The following SPATC1 variants were observed in gnomAD, a reference collection of about 807,000 sequenced individuals.
SPATC1 encodes spermatogenesis and centriole associated 1, also known as speriolin.
A neutral mutation model predicts 36.5 loss-of-function variants in SPATC1; 35 were observed. That is an observed-to-expected ratio of 0.96 (90% confidence interval 0.73 to 1.27). The LOEUF (loss-of-function observed/expected upper bound fraction) is 1.27. Ranked by LOEUF, SPATC1 falls within the 50% of genes most tolerant of loss-of-function variation. The pLI, the probability that SPATC1 is intolerant of heterozygous loss-of-function variation, is 0.00. For missense variants in SPATC1, 779 were observed against 796.0 expected, an observed-to-expected ratio of 0.98 and a Z score of 0.26; for synonymous variants, 361 against 353.6, an observed-to-expected ratio of 1.02 and a Z score of -0.24.
At chr8:144,024,707 C>T (rs1834637777) in intron 1 of SPATC1, among the ~76,000 whole-genome samples, 2 of 149,554 alleles carry the variant, frequency 1.3e-5, no homozygotes, top group African/African-American at 4.9e-5. Flanking sequence ...GACCCTTTTC[C>T]CTGAAGGCCC....
chr8:144,012,155 C>G (rs571510824), upstream of SPATC1, among the ~76,000 whole-genome samples: 1 of 152,350 alleles, frequency 6.6e-6, no homozygotes, highest in Non-Finnish European at 1.5e-5. Flanking sequence ...AGGGGAAGTG[C>G]TATGACACAG....
At position 144,041,034 on chromosome 8, in the gene SPATC1, G is replaced by A. The variant is rs782495896; in HGVS notation, c.1233G>A (p.Ser411=). 5.0e-6 allele frequency: 8 copies of A among 1,610,614 alleles called. No homozygotes were observed. The highest frequency in any genetic ancestry group is 2.7e-5 in the African/African-American group (2 of 74,734). Residue 411 remains serine (S), a synonymous_variant, in exon 3 of 5, where the codon TCG becomes TCA. Coordinates refer to ENST00000377470, the MANE Select transcript of SPATC1 (RefSeq NM_198572.3). The part of the protein sequence containing the change: ...DSRGPRTTEP[S]TKSMMEVERK... The stretch of plus-strand genomic sequence containing the variant: ...GAGGTCCACGCACCACAGAACCGTC[G>A]ACGAAGAGCATGATGGAGGTGGAAC...
At chr8:144,044,617 A>T (rs1240993302) in intron 4 of SPATC1, among the ~76,000 whole-genome samples, 3 of 150,666 alleles carry the variant, frequency 2.0e-5, no homozygotes, top group African/African-American at 7.3e-5. Context: ...CCTTGAAGGA[A>T]TATTTTTAAG....
intron 1 of SPATC1, 165 bp downstream of exon 1, chr8:144,012,891 G>A (rs1335191887): frequency 2.6e-6 from 2 of 759,912 alleles, no homozygotes; most frequent in East Asian, 5.4e-5. Context: ...TTCCTGTCCT[G>A]GAGGAGGCTG....
At chr8:144,011,779 T>C (rs1834286354), upstream of SPATC1, among the ~76,000 whole-genome samples, 1 of 151,972 alleles carries the variant, frequency 6.6e-6, no homozygotes. This position sits in a 1 kb window ranked among gnomAD's most constrained non-coding sequence, Gnocchi z 4.5. Flanking sequence ...AGATTTGGAA[T>C]AGGGAACGCT....
At chr8:144,034,561 C>T (rs1245702135) in intron 1 of SPATC1, among the ~76,000 whole-genome samples, 1 of 152,140 alleles carries the variant, frequency 6.6e-6, no homozygotes, top group African/African-American at 2.4e-5. Context: ...CACCACCAGA[C>T]ACATGGGGAG....
At position 144,045,371 on chromosome 8, in the gene SPATC1, A is replaced by C. The variant is rs1308724086; in HGVS notation, c.1447-1256A>C. On this transcript the variant is annotated intron_variant, in intron 4 of 4. Transcript: ENST00000377470. This position sits in a 1 kb window ranked among gnomAD's most constrained non-coding sequence, Gnocchi z 5.2. Reference sequence around the variant, plus strand: ...AGCACTTAGCAGAGGTTGACGTCACATTAACCGGGCCCGGTCCTGAGTCCA... The same window carrying C: ...AGCACTTAGCAGAGGTTGACGTCACCTTAACCGGGCCCGGTCCTGAGTCCA... 6.6e-6 allele frequency among the ~76,000 whole-genome samples: 1 copy of C among 152,214 alleles called. No individual in the cohort carries two copies. The highest frequency in any genetic ancestry group is 1.5e-5 in the Non-Finnish European group (1 of 68,034).
At chr8:144,030,090 G>A (rs1382243514) in intron 1 of SPATC1, among the ~76,000 whole-genome samples, 1 of 151,946 alleles carries the variant, frequency 6.6e-6, no homozygotes, top group Non-Finnish European at 1.5e-5. Flanking sequence ...AGTCTATTTT[G>A]TCCGATATCA....
intron 1 of SPATC1, among the ~76,000 whole-genome samples, chr8:144,026,818 T>C (rs1335291916): frequency 2.7e-5 from 4 of 148,516 alleles, no homozygotes; most frequent in Non-Finnish European, 6.0e-5. Flanking sequence ...TCTTTTTTTT[T>C]TTTTTTTGAG....
At position 144,040,655 on chromosome 8, in the gene SPATC1, C is replaced by T. The variant is rs140585701; in HGVS notation, c.854C>T (p.Thr285Ile). The T allele has an allele frequency of 4.3e-6, 7 of 1,613,796 alleles. No homozygotes were observed. The Admixed American group carries it at 1.0e-4, about 23-fold the overall frequency. ...GCAGGAGCACCCCTCCAGACCTCCA[C>T]CCCTATCGGAGCCATGGGCACACCT... ...AFAGAPLQTS[T>I]PIGAMGTPAP... The change falls in exon 3 of 5, where the codon ACC (threonine) becomes ATC (isoleucine). Residue 285 changes from threonine (T) to isoleucine (I), a missense_variant. Transcript: ENST00000377470.
rs1835054564 is a variant in SPATC1 at position 144,040,607 on chromosome 8, C to T, written c.806C>T (p.Pro269Leu). 1 of 1,610,128 alleles carries T rather than the reference C, an allele frequency of 6.2e-7. No homozygotes were observed. The highest frequency in any genetic ancestry group is 8.5e-7 in the Non-Finnish European group (1 of 1,177,936). Residue 269 changes from proline (P) to leucine (L), a missense_variant, in exon 3 of 5, where the codon CCA (proline) becomes CTA (leucine). Pro to Leu is a moderately conservative substitution (Grantham distance 98, BLOSUM62 -3). Transcript: ENST00000377470. ...STEPPQSTQD[P>L]EPLSMAFAGA... is the part of the protein sequence containing the mutation. ...GAGCCCCCCCAGTCGACCCAGGACC[C>T]AGAGCCTCTCAGCATGGCGTTTGCA...
chr8:144,019,892 C>G (rs919665204), intron 1 of SPATC1, among the ~76,000 whole-genome samples: 1 of 151,802 alleles, frequency 6.6e-6, no homozygotes, highest in Admixed American at 6.6e-5. Flanking sequence ...TCAGGGCCGC[C>G]TCGTCCTGCT....
At chr8:144,012,747 G>C (rs1554752647) in intron 1 of SPATC1, 21 bp downstream of exon 1, 14 of 1,551,130 alleles carry the variant, frequency 9.0e-6, no homozygotes, top group Non-Finnish European at 1.0e-5. Context: ...TCGCTCCCAA[G>C]AGAGTGAGGA....
rs138355309 is a variant in SPATC1 at position 144,040,989 on chromosome 8, G to A, written c.1188G>A (p.Pro396=). 102 of 1,611,264 alleles carry A rather than the reference G, an allele frequency of 6.3e-5. No individual in the cohort carries two copies. Among genetic ancestry groups the A allele is most frequent in the East Asian group, 1.3e-4 (6 of 44,826 alleles). Residue 396 remains proline (P), a synonymous_variant, in exon 3 of 5, where the codon CCG becomes CCA. Transcript: ENST00000377470. ...AHSPPRTSSS[P]ASVNDSRGPR... The stretch of plus-strand genomic sequence containing the variant: ...CCCCACCTCGTACCTCATCCTCCCC[G>A]GCTTCAGTCAATGACTCTCGAGGTC...
intron 1 of SPATC1, among the ~76,000 whole-genome samples, chr8:144,017,603 G>A (rs1160449272): frequency 6.6e-6 from 1 of 152,142 alleles, no homozygotes; most frequent in Non-Finnish European, 1.5e-5. Flanking sequence ...AGGGCCAGGG[G>A]ACCAGCTCTC....
Position 144,016,603 on chromosome 8 carries a change from TTTTGTTTG to T in SPATC1, c.211+3893_211+3900del, listed in dbSNP as rs534048833. Among the ~76,000 whole-genome samples the T allele has an allele frequency of 2.0e-5, 3 of 151,680 alleles. No homozygotes were observed. Among genetic ancestry groups the T allele is most frequent in the Non-Finnish European group, 2.9e-5 (2 of 67,944 alleles). ...AAGGCGCTAAGAAGACACTGATGGT[TTTTGTTTG>T]TTTGTTTGTTTGTTTTTTTGTTTGT... On this transcript the variant is annotated intron_variant, in intron 1 of 4. Coordinates refer to ENST00000377470, the MANE Select transcript of SPATC1 (RefSeq NM_198572.3). This position sits in a 1 kb window ranked among gnomAD's most constrained non-coding sequence, Gnocchi z 4.5.
rs1564279067 is a variant in SPATC1 at position 144,040,800 on chromosome 8, C to T, written c.999C>T (p.Thr333=). The change falls in exon 3 of 5, where the codon ACC becomes ACT. Residue 333 remains threonine (T), a synonymous_variant. Coordinates refer to ENST00000377470, the MANE Select transcript of SPATC1 (RefSeq NM_198572.3). ...PTSPTTSPTV[T]VLASAPALAP... ...CCCCCACCACCTCCCCCACGGTCAC[C>T]GTCCTTGCCTCTGCCCCCGCCCTTG... The T allele has an allele frequency of 4.5e-6, 7 of 1,544,716 alleles. No individual in the cohort carries two copies. The highest frequency in any genetic ancestry group is 2.5e-5 in the South Asian group (2 of 80,910).
Position 144,040,666 on chromosome 8 carries a change from G to A in SPATC1, c.865G>A (p.Ala289Thr), listed in dbSNP as rs2129645682. ...APLQTSTPIG[A>T]MGTPAPKTAF... ...CCTCCAGACCTCCACCCCTATCGGA[G>A]CCATGGGCACACCTGCTCCCAAGAC... Residue 289 changes from alanine to threonine, a missense_variant, in exon 3 of 5, where the codon GCC (alanine) becomes ACC (threonine). Physicochemically the swap from Ala to Thr is moderately conservative, Grantham distance 58 (BLOSUM62 0). Transcript: ENST00000377470. The A allele has an allele frequency of 1.9e-6, 3 of 1,613,346 alleles. No homozygotes were observed. Among genetic ancestry groups the A allele is most frequent in the Non-Finnish European group, 1.7e-6 (2 of 1,179,832 alleles).
Position 144,040,381 on chromosome 8 carries a change from G to T in SPATC1, c.684G>T (p.Arg228Ser). Residue 228 changes from arginine to serine, a missense_variant, in exon 2 of 5, where the codon AGG (arginine) becomes AGT (serine). By Grantham distance (110) the Arg-to-Ser change is moderately radical. Coordinates refer to ENST00000377470, the MANE Select transcript of SPATC1 (RefSeq NM_198572.3). ...MSNLVLPEAP[R>S]LRLAEPLRGG... is the part of the protein sequence containing the mutation. ...ACCTGGTCCTGCCAGAGGCCCCAAG[G>T]CTGCGGCTGGCTGAGCCACTCCGCG... The T allele has an allele frequency of 6.2e-7, 1 of 1,612,386 alleles. No individual in the cohort carries two copies. Among genetic ancestry groups the T allele is most frequent in the Non-Finnish European group, 8.5e-7 (1 of 1,179,806 alleles).
Sources: allele counts gnomAD v4.1 joint callset (sites outside exome capture counted in the v4.1 genomes callset), GRCh38; gene constraint gnomAD v4.1.1; non-coding constraint Gnocchi (gnomAD v3.1); transcripts MANE v1.5; gene names NCBI Gene and HGNC (gene_info 2026-07-23, HGNC 2026-07-21).